The following FGF14 variants were observed in gnomAD, a reference collection of about 807,000 sequenced individuals.
FGF14 encodes fibroblast growth factor homologous factor 4.
A neutral mutation model predicts 25.5 loss-of-function variants in FGF14; 5 were observed. The observed-to-expected ratio is 0.20, with a 90% confidence interval of 0.10 to 0.41. The LOEUF is 0.41. Ranked by LOEUF, FGF14 falls within the 10% of genes least tolerant of loss-of-function variation. FGF14 has a pLI of 1.00. For missense variants in FGF14, 222 were observed against 320.1 expected, an observed-to-expected ratio of 0.69 and a Z score of 2.34; for synonymous variants, 138 against 118.3, an observed-to-expected ratio of 1.17 and a Z score of -1.08.
intron 1 of FGF14, among the ~76,000 whole-genome samples, chr13:102,285,129 C>T (rs1029355348): frequency 2.0e-5 from 3 of 152,242 alleles, no homozygotes; most frequent in African/African-American, 7.2e-5. Context: ...TTATACTTTC[C>T]TAATGTCAGA....
chr13:102,038,362 C>T (rs1388252213), intron 1 of FGF14, among the ~76,000 whole-genome samples: 6 of 152,126 alleles, frequency 3.9e-5, no homozygotes, highest in Non-Finnish European at 8.8e-5. Flanking sequence ...GAATGACACA[C>T]ACCACAGTAG....
chr13:102,129,670 C>T (rs618954), intron 1 of FGF14, among the ~76,000 whole-genome samples: 4,032 of 151,852 alleles, frequency 0.027, 181 homozygotes, highest in African/African-American at 0.092. Flanking sequence ...GGGAACATCA[C>T]ACACCGGGGC....
At chr13:102,349,372 A>G (rs764252267) in intron 1 of FGF14, among the ~76,000 whole-genome samples, 9 of 152,206 alleles carry the variant, frequency 5.9e-5, no homozygotes, top group Non-Finnish European at 1.0e-4. Context: ...CAATTTAATT[A>G]CATGTGGCTT....
Position 101,859,460 on chromosome 13 carries a change from G to A in FGF14, c.408+9265C>T, listed in dbSNP as rs149237904. The stretch of plus-strand genomic sequence containing the variant: ...TTTTTAACTTATCTTTGAAGTCTTC[G>A]CACATGTTGTACAATAGCTGACAAT... On this transcript the variant is annotated intron_variant, in intron 3 of 4. Transcript: ENST00000376143. Among the ~76,000 whole-genome samples the A allele has an allele frequency of 5.7e-3, 859 of 151,928 alleles. 4 individuals carry two copies. The highest frequency in any genetic ancestry group is 9.0e-3 in the Non-Finnish European group (611 of 67,966).
At chr13:101,825,851 T>C (rs894401478) in intron 3 of FGF14, among the ~76,000 whole-genome samples, 1 of 152,134 alleles carries the variant, frequency 6.6e-6, no homozygotes, top group Non-Finnish European at 1.5e-5. Context: ...AAGTATCCCA[T>C]GAGGATTGTA....
At position 101,821,019 on chromosome 13, in the gene FGF14, C is replaced by T. The variant is rs564439035; in HGVS notation, c.408+47706G>A. On this transcript the variant is annotated intron_variant, in intron 3 of 4. Transcript: ENST00000376143. ...CTGGAGTGCAGTGGCATGATCTCGG[C>T]TCACTGCAGGCTCCGCCCCCCGGGA... is the stretch of plus-strand genomic sequence containing the variant. Among the ~76,000 whole-genome samples, 4 of 147,940 alleles carry T rather than the reference C, an allele frequency of 2.7e-5. No homozygotes were observed. The South Asian group carries it at 9.3e-4, about 34-fold the overall frequency.
intron 1 of FGF14, among the ~76,000 whole-genome samples, chr13:102,181,635 C>CT (rs2048679474): frequency 6.6e-6 from 1 of 152,164 alleles, no homozygotes; most frequent in Admixed American, 6.5e-5. Flanking sequence ...GGGCATAGCT[C>CT]TTCCATCCCT....
intron 1 of FGF14, among the ~76,000 whole-genome samples, chr13:102,223,507 T>G (rs993715789): frequency 6.6e-6 from 1 of 152,228 alleles, no homozygotes; most frequent in Admixed American, 6.5e-5. Flanking sequence ...CCCTCTTATT[T>G]AGATTTGATA....
At chr13:102,176,411 C>A (rs2048452533) in intron 1 of FGF14, among the ~76,000 whole-genome samples, 1 of 152,122 alleles carries the variant, frequency 6.6e-6, no homozygotes, top group East Asian at 1.9e-4. Context: ...ACACTGGTAA[C>A]TCCAAAGCTG....
chr13:102,352,097 G>T (rs1050275671), intron 1 of FGF14, among the ~76,000 whole-genome samples: 1 of 152,122 alleles, frequency 6.6e-6, no homozygotes, highest in East Asian at 1.9e-4. Flanking sequence ...TGGTAAAGGA[G>T]ATACACCTCA....
upstream of FGF14, among the ~76,000 whole-genome samples, chr13:101,917,957 A>C (rs2033699495): frequency 6.6e-6 from 1 of 152,140 alleles, no homozygotes; most frequent in African/African-American, 2.4e-5. Flanking sequence ...GTGTCACACT[A>C]TTCCAGGGAC....
At chr13:101,912,880 A>G (rs894962487) in intron 1 of FGF14, among the ~76,000 whole-genome samples, 1 of 152,122 alleles carries the variant, frequency 6.6e-6, no homozygotes, top group Non-Finnish European at 1.5e-5. Flanking sequence ...TCCAAGGGCA[A>G]TGAGGAGAAC....
chr13:102,203,626 A>G (rs2140891472), intron 1 of FGF14, among the ~76,000 whole-genome samples: 1 of 152,338 alleles, frequency 6.6e-6, no homozygotes, highest in Non-Finnish European at 1.5e-5. Context: ...TAGAATATTC[A>G]TATCTGGAAA....
intron 1 of FGF14, among the ~76,000 whole-genome samples, chr13:102,377,987 G>C (rs1314655581): frequency 6.6e-6 from 1 of 152,166 alleles, no homozygotes; most frequent in Non-Finnish European, 1.5e-5. Context: ...AGGCCTACAA[G>C]GTACAAAAGA....
At chr13:102,182,346 AGAGCCCTGCC>A (rs2048711190) in intron 1 of FGF14, among the ~76,000 whole-genome samples, 1 of 152,174 alleles carries the variant, frequency 6.6e-6, no homozygotes, top group Non-Finnish European at 1.5e-5. Flanking sequence ...CTGGAGGGGC[AGAGCCCTGCC>A]GACGCCTTGA....
intron 1 of FGF14, among the ~76,000 whole-genome samples, chr13:101,902,316 C>A (rs1447141431): frequency 6.6e-6 from 1 of 151,826 alleles, no homozygotes; most frequent in Non-Finnish European, 1.5e-5. Flanking sequence ...AGCTTCTTGG[C>A]TTTTCTTGTG....
chr13:101,908,821 T>C (rs897878002), intron 1 of FGF14, among the ~76,000 whole-genome samples: 3 of 152,154 alleles, frequency 2.0e-5, no homozygotes, highest in Admixed American at 1.3e-4. Flanking sequence ...GGAGGCATCA[T>C]GCTACCTGAC....
chr13:102,221,211 T>C (rs1351520342), intron 1 of FGF14, among the ~76,000 whole-genome samples: 1 of 152,202 alleles, frequency 6.6e-6, no homozygotes, highest in Non-Finnish European at 1.5e-5. Context: ...AACTGCATTA[T>C]GGAGACAACT....
At chr13:102,256,869 C>A (rs2052466659) in intron 1 of FGF14, among the ~76,000 whole-genome samples, 1 of 152,100 alleles carries the variant, frequency 6.6e-6, no homozygotes, top group African/African-American at 2.4e-5. Context: ...TAAATTAAAT[C>A]TAAGTAGTTT....
Sources: allele counts gnomAD v4.1 joint callset (sites outside exome capture counted in the v4.1 genomes callset), GRCh38; gene constraint gnomAD v4.1.1; transcripts MANE v1.5; gene names NCBI Gene and HGNC (gene_info 2026-07-23, HGNC 2026-07-21).